The following FER1L6 variants were observed in gnomAD, a reference collection of about 807,000 sequenced individuals.
FER1L6 encodes fer-1-like protein 6.
In FER1L6, 177 loss-of-function variants were observed where a neutral mutation model predicts 219.2. The observed-to-expected ratio is 0.81, with a 90% confidence interval of 0.71 to 0.91. The LOEUF (loss-of-function observed/expected upper bound fraction) is 0.91, where lower values mean the gene tolerates loss of function less well. Among genes scored for constraint, FER1L6 ranks in the 40% least tolerant of loss-of-function variants. FER1L6 has a pLI of 0.00. For missense variants in FER1L6, 2,153 were observed against 2,259.9 expected (o/e 0.95, Z 0.96); for synonymous variants, 768 against 824.3 (o/e 0.93, Z 1.17).
At chr8:124,092,671 T>G (rs745397784) in intron 34 of FER1L6, among the ~76,000 whole-genome samples, 2 of 152,140 alleles carry the variant, frequency 1.3e-5, no homozygotes, top group African/African-American at 4.8e-5. Flanking sequence ...GTGTAATTTA[T>G]AAAGAAAAGG....
intron 1 of FER1L6, among the ~76,000 whole-genome samples, chr8:123,873,483 C>T (rs1157887782): frequency 2.6e-5 from 4 of 152,182 alleles, no homozygotes; most frequent in African/African-American, 7.2e-5. Context: ...CTTAACATCT[C>T]GTATTATTGA....
intron 33 of FER1L6, among the ~76,000 whole-genome samples, chr8:124,082,780 A>C (rs185690723): frequency 6.6e-6 from 1 of 152,334 alleles, no homozygotes; most frequent in Non-Finnish European, 1.5e-5. Context: ...CTAGAAGAAT[A>C]ATTAATATAA....
rs1022642673 is a variant in FER1L6, at chr8:123,966,307, A to G, written c.384+17A>G. The G allele has an allele frequency of 8.7e-6, 14 of 1,613,566 alleles. No individual in the cohort carries two copies. The highest frequency in any genetic ancestry group is 1.2e-5 in the Non-Finnish European group (14 of 1,179,780). On this transcript the variant is annotated intron_variant, in intron 5 of 40. Coordinates refer to ENST00000522917, the MANE Select transcript of FER1L6 (RefSeq NM_001039112.2). ...TATAATGAAGTAAGTCATGGAGGTC[A>G]CCCACAGCTTTTGCACTAAGATTCT... is the stretch of plus-strand genomic sequence containing the variant.
In FER1L6 at chr8:123,939,055, A is replaced by G. The variant is rs992572310; in HGVS notation, c.-7-16937A>G. The G allele has an allele frequency of 3.7e-5, 21 of 574,870 alleles. 1 individual carries two copies. In the South Asian group the frequency reaches 5.4e-4, roughly 15 times the overall value. The allele number at this position is 574,870 out of a possible 1,614,324, so 35.6% of individuals were successfully genotyped here. A position where few individuals can be genotyped will look rare whatever the true frequency, so the allele number is the denominator to read the frequency against. On this transcript the variant is annotated intron_variant, in intron 1 of 40. Coordinates refer to ENST00000522917, the MANE Select transcript of FER1L6 (RefSeq NM_001039112.2). ...ACATTCATCTGAGCATAGCAAGGGA[A>G]GAAAATATCAAACCCTTAGTTTTGA...
At chr8:123,941,297 G>T (rs1814229579) in intron 1 of FER1L6, among the ~76,000 whole-genome samples, 1 of 152,300 alleles carries the variant, frequency 6.6e-6, no homozygotes, top group Non-Finnish European at 1.5e-5. Flanking sequence ...AAGCACAGAG[G>T]TCAGGGAAGA....
chr8:123,912,160 C>T (rs1330921603), intron 1 of FER1L6, among the ~76,000 whole-genome samples: 3 of 152,086 alleles, frequency 2.0e-5, no homozygotes, highest in Non-Finnish European at 4.4e-5. Context: ...TTATGAAATG[C>T]TCATCACATC....
At chr8:124,119,035 C>A in intron 40 of FER1L6, 91 bp downstream of exon 40, 2 of 1,068,276 alleles carry the variant, frequency 1.9e-6, no homozygotes, top group Non-Finnish European at 2.8e-6. Context: ...TTTAGAGCAG[C>A]CCTGTGGGAG....
intron 39 of FER1L6, among the ~76,000 whole-genome samples, chr8:124,106,022 T>C (rs1358640532): frequency 6.6e-6 from 1 of 152,092 alleles, no homozygotes; most frequent in Non-Finnish European, 1.5e-5. Flanking sequence ...GGGGAGCAAC[T>C]GGTATGGAGT....
At chr8:123,960,872 A>G (rs1307210783) in intron 2 of FER1L6, among the ~76,000 whole-genome samples, 2 of 152,170 alleles carry the variant, frequency 1.3e-5, no homozygotes, top group Admixed American at 6.5e-5. Flanking sequence ...AGGACTGGCT[A>G]TCTTTTCAGA....
intron 1 of FER1L6, among the ~76,000 whole-genome samples, chr8:123,878,621 A>G (rs1041033637): frequency 6.6e-6 from 1 of 152,226 alleles, no homozygotes. Context: ...TTCCTTACCC[A>G]TGAGCCTTAT....
rs1424263943 is a variant in FER1L6, at chr8:124,061,987, C to T, written c.3283C>T (p.Pro1095Ser). ...LKQFLCKLRE[P>S]LAPITQVDGT... Reference sequence around the variant, plus strand: ...GCAGTTTTTGTGTAAACTCAGAGAGCCCCTTGCCCCCATCACACAGGTGGA... The same window carrying T: ...GCAGTTTTTGTGTAAACTCAGAGAGTCCCTTGCCCCCATCACACAGGTGGA... Residue 1095 changes from proline (P) to serine (S), a missense_variant, in exon 25 of 41, where the codon CCC (proline) becomes TCC (serine). Physicochemically the swap from Pro to Ser is moderately conservative, Grantham distance 74. Transcript: ENST00000522917. 1 of 1,614,174 alleles carries T rather than the reference C, an allele frequency of 6.2e-7. No homozygotes were observed. The highest frequency in any genetic ancestry group is 8.5e-7 in the Non-Finnish European group (1 of 1,180,006).
chr8:124,022,285 A>G (rs774808804), intron 17 of FER1L6, among the ~76,000 whole-genome samples: 15 of 152,256 alleles, frequency 9.9e-5, no homozygotes, highest in Admixed American at 4.6e-4. Context: ...AGGAATTTGA[A>G]TAAGCACTCA....
At chr8:124,113,822 T>C (rs188563679) in intron 39 of FER1L6, among the ~76,000 whole-genome samples, 2 of 152,362 alleles carry the variant, frequency 1.3e-5, no homozygotes, top group East Asian at 3.9e-4. Flanking sequence ...TTGTTTAATA[T>C]GTGATACTGT....
chr8:123,888,920 G>A (rs1817252701), intron 1 of FER1L6, among the ~76,000 whole-genome samples: 1 of 152,164 alleles, frequency 6.6e-6, no homozygotes, highest in Non-Finnish European at 1.5e-5. Context: ...ATAAGTCCAA[G>A]CCATTGCCAA....
intron 13 of FER1L6, among the ~76,000 whole-genome samples, chr8:124,005,629 T>C (rs1486909266): frequency 1.3e-5 from 2 of 152,242 alleles, no homozygotes; most frequent in African/African-American, 2.4e-5. Context: ...CCAGGGACTA[T>C]GCCTTATTCA....
At position 123,853,129 on chromosome 8, in the gene FER1L6, C is replaced by T. The variant is rs536963824; in HGVS notation, c.-8+944C>T. ...AAAGTGCTCGGATTACGTGCGTGAGCCACTGTGCCCACCCTCAGACTTTAA... is the reference window on the plus strand; with the variant it reads ...AAAGTGCTCGGATTACGTGCGTGAGTCACTGTGCCCACCCTCAGACTTTAA... On this transcript the variant is annotated intron_variant, in intron 1 of 40. Transcript: ENST00000522917. This position sits in a 1 kb window ranked among gnomAD's most constrained non-coding sequence, Gnocchi z 6.6. Among the ~76,000 whole-genome samples, 25 of 152,274 alleles carry T rather than the reference C, an allele frequency of 1.6e-4. No homozygotes were observed. The highest frequency in any genetic ancestry group is 3.5e-4 in the Non-Finnish European group (24 of 68,018).
chr8:123,913,592 C>G (rs1337778890), intron 1 of FER1L6, among the ~76,000 whole-genome samples: 2 of 151,918 alleles, frequency 1.3e-5, no homozygotes, highest in Non-Finnish European at 2.9e-5. Context: ...TTTTGTTTTT[C>G]TCTCTCTAAA....
Position 123,908,895 on chromosome 8 carries a change from G to C in FER1L6, c.-7-47097G>C, listed in dbSNP as rs189225374. ...ACATTTTGGATGGTAAGAACGTAAG[G>C]CAAAGATTGCAAATTCAAATGTCTA... On this transcript the variant is annotated intron_variant, in intron 1 of 40. Coordinates refer to ENST00000522917, the MANE Select transcript of FER1L6 (RefSeq NM_001039112.2). Among the ~76,000 whole-genome samples the C allele has an allele frequency of 2.5e-3, 383 of 152,272 alleles. 3 individuals are homozygous for C. The highest frequency in any genetic ancestry group is 8.9e-3 in the African/African-American group (371 of 41,564).
intron 1 of FER1L6, among the ~76,000 whole-genome samples, chr8:123,865,801 C>T (rs1462067142): frequency 6.6e-6 from 1 of 151,480 alleles, no homozygotes; most frequent in Non-Finnish European, 1.5e-5. Flanking sequence ...TGACCACTTG[C>T]GCTTCCCAGG....
Sources: allele counts gnomAD v4.1 joint callset (sites outside exome capture counted in the v4.1 genomes callset), GRCh38; gene constraint gnomAD v4.1.1; non-coding constraint Gnocchi (gnomAD v3.1); transcripts MANE v1.5; gene names NCBI Gene and HGNC (gene_info 2026-07-23, HGNC 2026-07-21).